NCK2: variants seen among roughly 807,000 people sequenced by gnomAD.
The protein encoded by NCK2 is NCK adaptor protein 2, also known as cytoplasmic protein NCK2.
In NCK2, 16 loss-of-function variants were observed where a neutral mutation model predicts 33.9. The observed-to-expected ratio is 0.47, with a 90% CI of 0.32 to 0.72. The LOEUF (loss-of-function observed/expected upper bound fraction) is 0.72, where lower values mean the gene tolerates loss of function less well. Among genes scored for constraint, NCK2 ranks in the 30% least tolerant of loss-of-function variants. The pLI is 0.03. For missense variants in NCK2, 418 were observed against 537.3 expected (o/e 0.78, Z 2.19); for synonymous variants, 273 against 239.9 (o/e 1.14, Z -1.27).
chr2:105,800,899 G>C (rs774052604), intron 1 of NCK2, among the ~76,000 whole-genome samples: 3 of 152,220 alleles, frequency 2.0e-5, no homozygotes, highest in African/African-American at 7.2e-5. Flanking sequence ...GGGATTACAT[G>C]CCTGTCCAGG....
intron 1 of NCK2, among the ~76,000 whole-genome samples, chr2:105,815,372 T>G (rs1268752174): frequency 1.3e-5 from 2 of 152,220 alleles, no homozygotes; most frequent in Non-Finnish European, 2.9e-5. Context: ...AGAATTCGAT[T>G]TTTCTATGGG....
intron 2 of NCK2, among the ~76,000 whole-genome samples, chr2:105,825,451 A>G (rs1196681067): frequency 6.6e-6 from 1 of 152,216 alleles, no homozygotes; most frequent in Non-Finnish European, 1.5e-5. Context: ...ATTTAACAAA[A>G]TATAATGGAG....
rs1177109049 is a variant in NCK2, at chr2:105,779,324, AG to A, written c.-201+34187del. 5.3e-5 allele frequency among the ~76,000 whole-genome samples: 8 copies of A among 151,840 alleles called. No individual in the cohort carries two copies. The East Asian group carries it at 1.4e-3, about 26-fold the overall frequency. On this transcript the variant is annotated intron_variant, in intron 1 of 4. Coordinates refer to ENST00000233154, the MANE Select transcript of NCK2 (RefSeq NM_003581.5). The stretch of plus-strand genomic sequence containing the variant: ...TCCGTCTCAAAAAAAAAAAAAAAAA[AG>A]AATCCGTCATAAAATGTGTTTATTA...
intron 3 of NCK2, among the ~76,000 whole-genome samples, chr2:105,858,969 G>C (rs1677402771): frequency 1.3e-5 from 2 of 152,192 alleles, no homozygotes; most frequent in Non-Finnish European, 2.9e-5. Flanking sequence ...ATCAAGAACT[G>C]TTTCTGCTGG....
chr2:105,828,998 T>G (rs887878237), intron 2 of NCK2, among the ~76,000 whole-genome samples: 9 of 152,278 alleles, frequency 5.9e-5, no homozygotes, highest in African/African-American at 1.7e-4. Flanking sequence ...CTCTGAGTGA[T>G]ATAGTTGGAT....
chr2:105,744,758 GCCCGGGCCTGGGCCGGCC>G (rs1439006870), upstream of NCK2: 3 of 150,120 alleles, frequency 2.0e-5, no homozygotes, highest in Non-Finnish European at 4.5e-5. Context: ...CGCCCCGCGC[GCCCGGGCCTGGGCCGGCC>G]CCTGGGCGGC....
At chr2:105,835,330 T>TA (rs1319949443) in intron 2 of NCK2, among the ~76,000 whole-genome samples, 1 of 146,170 alleles carries the variant, frequency 6.8e-6, no homozygotes, top group African/African-American at 2.5e-5. Flanking sequence ...TTTTGAAGGA[T>TA]AGCTTTGCTG....
intron 3 of NCK2, among the ~76,000 whole-genome samples, chr2:105,874,283 A>G (rs150417103): frequency 2.8e-4 from 43 of 152,380 alleles, no homozygotes; most frequent in Middle Eastern, 6.8e-3. Context: ...CAGCAACACA[A>G]AAACTTGTAG....
chr2:105,871,570 A>C (rs1330567901), intron 3 of NCK2, among the ~76,000 whole-genome samples: 1 of 151,456 alleles, frequency 6.6e-6, no homozygotes, highest in Non-Finnish European at 1.5e-5. Context: ...ATCTCGGCTC[A>C]CTGCAACCTC....
intron 1 of NCK2, chr2:105,745,869 T>G (rs1689270021): frequency 6.6e-6 from 1 of 152,230 alleles, no homozygotes; most frequent in Non-Finnish European, 1.5e-5. Flanking sequence ...CACCGAGTGC[T>G]TTTGGAAAAA....
chr2:105,765,543 G>C (rs1160914644), intron 1 of NCK2, among the ~76,000 whole-genome samples: 1 of 152,154 alleles, frequency 6.6e-6, no homozygotes, highest in Non-Finnish European at 1.5e-5. Flanking sequence ...CCCTTTAAGG[G>C]TGACTTTAGT....
intron 2 of NCK2, among the ~76,000 whole-genome samples, chr2:105,837,160 C>T (rs534048931): frequency 2.6e-5 from 4 of 152,244 alleles, no homozygotes; most frequent in African/African-American, 9.6e-5. Flanking sequence ...CAGTGTTCTC[C>T]CTTGGACATT....
At chr2:105,755,746 C>CCATATGGACATTTGGCGACG (rs1689583298) in intron 1 of NCK2, among the ~76,000 whole-genome samples, 1 of 152,158 alleles carries the variant, frequency 6.6e-6, no homozygotes, top group African/African-American at 2.4e-5. Flanking sequence ...GCAGTTTTGC[C>CCATATGGACATTTGGCGACG]TAATCAAAGA....
intron 4 of NCK2, among the ~76,000 whole-genome samples, chr2:105,888,396 A>G (rs1016966506): frequency 1.3e-5 from 2 of 152,224 alleles, no homozygotes; most frequent in Non-Finnish European, 2.9e-5. Flanking sequence ...AAGTAAGTAC[A>G]GTGTTTGGAG....
intron 1 of NCK2, among the ~76,000 whole-genome samples, chr2:105,806,238 CTTTTTTTTTTT>C (rs56141591): frequency 1.5e-5 from 2 of 135,970 alleles, no homozygotes; most frequent in African/African-American, 5.9e-5. Context: ...CATTTTCTTT[CTTTTTTTTTTT>C]TTTTTTGAGA....
chr2:105,778,254 A>G (rs1690376782), intron 1 of NCK2, among the ~76,000 whole-genome samples: 1 of 152,122 alleles, frequency 6.6e-6, no homozygotes, highest in South Asian at 2.1e-4. Context: ...GGCCGTCCCT[A>G]TCCCAGCACA....
In NCK2 at chr2:105,766,803, G is replaced by A. The variant is rs115950492; in HGVS notation, c.-201+21665G>A. On this transcript the variant is annotated intron_variant, in intron 1 of 4. Transcript: ENST00000233154. ...CATCTTGTGGGCATGCAGGATTTTC[G>A]TTCCCTCCAAACTATTTCCATCTGT... 8.1e-3 allele frequency among the ~76,000 whole-genome samples: 1,230 copies of A among 152,222 alleles called. 21 individuals carry two copies. The highest frequency in any genetic ancestry group is 0.026 in the African/African-American group (1,074 of 41,512).
At chr2:105,785,352 C>T (rs6732664) in intron 1 of NCK2, among the ~76,000 whole-genome samples, 33,571 of 152,074 alleles carry the variant, frequency 0.22, 4,856 homozygotes, top group African/African-American at 0.4. Flanking sequence ...ACGGTTCCCC[C>T]GTCCTGGCCA....
chr2:105,833,174 A>G (rs1255023912), intron 2 of NCK2, among the ~76,000 whole-genome samples: 1 of 151,540 alleles, frequency 6.6e-6, no homozygotes, highest in East Asian at 1.9e-4. Flanking sequence ...TGCTCACTGC[A>G]ACTTCCATCT....
Sources: gnomAD v4.1 joint callset for allele counts (sites outside exome capture counted in the v4.1 genomes callset) on GRCh38, gnomAD v4.1.1 for gene constraint, MANE v1.5 for transcripts, NCBI Gene and HGNC (gene_info 2026-07-23, HGNC 2026-07-21) for gene names.